The following TIAM1 variants were observed in gnomAD, a reference collection of about 807,000 sequenced individuals.
TIAM1 encodes rho guanine nucleotide exchange factor TIAM1.
TIAM1 carries 65 observed loss-of-function variants against 163.5 expected under a neutral mutation model. That is an observed-to-expected ratio of 0.40 (90% CI 0.33 to 0.49). The LOEUF (loss-of-function observed/expected upper bound fraction) is 0.49. Among genes scored for constraint, TIAM1 ranks in the 20% least tolerant of loss-of-function variants. The probability of loss-of-function intolerance (pLI) is 0.77; values close to 1 mark genes in which losing one functional copy is unlikely to be tolerated. For synonymous variants in TIAM1, 833 were observed against 810.1 expected, an observed-to-expected ratio of 1.03 and a Z score of -0.48; for missense variants, 1,789 against 2,044.7, an observed-to-expected ratio of 0.87 and a Z score of 2.41.
intron 2 of TIAM1, among the ~76,000 whole-genome samples, chr21:31,384,421 A>AAT (rs3055330): frequency 6.6e-6 from 1 of 150,836 alleles, no homozygotes; most frequent in African/African-American, 2.4e-5. Context: ...AAAAAAAAAA[A>AAT]TTTAATTAGC....
intron 1 of TIAM1, among the ~76,000 whole-genome samples, chr21:31,528,620 T>C (rs567054529): frequency 6.6e-6 from 1 of 151,296 alleles, no homozygotes; most frequent in Non-Finnish European, 1.5e-5. Flanking sequence ...CTGGGCAACA[T>C]GGTGAAACCC....
At chr21:31,352,306 C>T (rs1304979517) in intron 2 of TIAM1, among the ~76,000 whole-genome samples, 1 of 152,046 alleles carries the variant, frequency 6.6e-6, no homozygotes, top group African/African-American at 2.4e-5. Context: ...AAATATTATG[C>T]TAAGTGAAAG....
At chr21:31,243,222 A>G (rs1196963617) in intron 6 of TIAM1, among the ~76,000 whole-genome samples, 1 of 145,838 alleles carries the variant, frequency 6.9e-6, no homozygotes, top group Non-Finnish European at 1.5e-5. Context: ...ATATATATAT[A>G]TATGTATATT....
At chr21:31,323,300 A>G (rs2075377892) in intron 2 of TIAM1, among the ~76,000 whole-genome samples, 1 of 151,506 alleles carries the variant, frequency 6.6e-6, no homozygotes, top group South Asian at 2.1e-4. Flanking sequence ...AAAAAAAAAA[A>G]AGAAAGAAAG....
intron 13 of TIAM1, among the ~76,000 whole-genome samples, chr21:31,194,178 T>C (rs543641676): frequency 1.3e-5 from 2 of 152,208 alleles, no homozygotes; most frequent in South Asian, 4.2e-4. Context: ...CCACTTCTTG[T>C]GTGTCCGCAT....
chr21:31,265,461 C>T (rs906793779), intron 4 of TIAM1, among the ~76,000 whole-genome samples: 1 of 151,946 alleles, frequency 6.6e-6, no homozygotes, highest in African/African-American at 2.4e-5. Context: ...ACAGGGCTGG[C>T]CAGCATCGCA....
chr21:31,419,371 T>C (rs924187724), intron 2 of TIAM1, among the ~76,000 whole-genome samples: 2 of 152,194 alleles, frequency 1.3e-5, no homozygotes, highest in Non-Finnish European at 2.9e-5. Flanking sequence ...GTGACGCACC[T>C]TGTAGAGCGA....
At chr21:31,206,936 T>TACACACACACACACACAC (rs142792769) in intron 11 of TIAM1, among the ~76,000 whole-genome samples, 143 of 151,362 alleles carry the variant, frequency 9.4e-4, no homozygotes, top group African/African-American at 3.3e-3. Flanking sequence ...GAAATATGTA[T>TACACACACACACACACAC]ACACACACAC....
intron 2 of TIAM1, among the ~76,000 whole-genome samples, chr21:31,369,467 T>C (rs2076558508): frequency 6.6e-6 from 1 of 152,026 alleles, no homozygotes; most frequent in African/African-American, 2.4e-5. Flanking sequence ...TACAGCTAAA[T>C]GGCAGGAATA....
intron 8 of TIAM1, among the ~76,000 whole-genome samples, chr21:31,222,670 C>T (rs557944589): frequency 0.025 from 2,453 of 96,840 alleles, 100 homozygotes; most frequent in African/African-American, 0.094. Context: ...CATACATGTA[C>T]ACATACATAT....
intron 12 of TIAM1, among the ~76,000 whole-genome samples, chr21:31,202,690 C>T (rs982536498): frequency 4.6e-5 from 7 of 152,206 alleles, no homozygotes; most frequent in African/African-American, 1.7e-4. Context: ...TTTGATTTGT[C>T]ATGATAGCAC....
chr21:31,259,038 T>TA (rs1443976826), intron 4 of TIAM1, among the ~76,000 whole-genome samples: 4 of 151,764 alleles, frequency 2.6e-5, no homozygotes, highest in Non-Finnish European at 4.4e-5. Context: ...AGTTATGCTG[T>TA]AAAAAAACAA....
Position 31,552,421 on chromosome 21 carries a change from A to C in TIAM1, c.-422+6506T>G, listed in dbSNP as rs528757172. 8.5e-5 allele frequency among the ~76,000 whole-genome samples: 13 copies of C among 152,310 alleles called. No homozygotes were observed. In the East Asian group the frequency reaches 2.3e-3, roughly 27 times the overall value. On this transcript the variant is annotated intron_variant, in intron 1 of 28. Coordinates refer to the TIAM1 transcript ENST00000286827. ...TTTAAGCAAAACCAACTCAAGTTTGATAGACAAAAACTGCGTCCCTACTAC... is the reference window on the plus strand; with the variant it reads ...TTTAAGCAAAACCAACTCAAGTTTGCTAGACAAAAACTGCGTCCCTACTAC...
intron 1 of TIAM1, among the ~76,000 whole-genome samples, chr21:31,519,023 C>T (rs1359021129): frequency 3.3e-5 from 5 of 152,026 alleles, no homozygotes; most frequent in Admixed American, 3.3e-4. Flanking sequence ...GGTGAAACCC[C>T]GCCTTGGCCG....
intron 1 of TIAM1, among the ~76,000 whole-genome samples, chr21:31,507,926 GA>G (rs558187895): frequency 5.6e-4 from 86 of 152,332 alleles, no homozygotes; most frequent in African/African-American, 2.0e-3. Flanking sequence ...GACCCAACTG[GA>G]AATAGGGTCT....
At chr21:31,142,116 C>A (rs1223354506) in intron 20 of TIAM1, among the ~76,000 whole-genome samples, 1 of 152,104 alleles carries the variant, frequency 6.6e-6, no homozygotes, top group Non-Finnish European at 1.5e-5. Context: ...GCTCCCTCTG[C>A]CTCCTGACAC....
In TIAM1 at chr21:31,120,569, C is replaced by T; in HGVS notation, c.4575G>A (p.Gln1525=). ...TGATGGAGGTGGCCTGAAGCCGCTC[C>T]TGCAGGTCTCTGTCCACTGAGGCAC... ...VKGASVDRDL[Q]ERLQATSISQ... is the part of the protein sequence containing the mutation. The change falls in exon 28 of 28, where the codon CAG becomes CAA. Residue 1525 remains glutamine, a synonymous_variant. Coordinates refer to ENST00000541036, the MANE Select transcript of TIAM1 (RefSeq NM_001353694.2). The surrounding 1 kb of genome is among the most constrained non-coding windows in gnomAD (Gnocchi z 4.2). 6.2e-7 allele frequency: 1 copy of T among 1,614,224 alleles called. No homozygotes were observed. The highest frequency in any genetic ancestry group is 8.5e-7 in the Non-Finnish European group (1 of 1,180,050).
At chr21:31,145,441 T>C (rs2083065569) in intron 20 of TIAM1, among the ~76,000 whole-genome samples, 1 of 152,240 alleles carries the variant, frequency 6.6e-6, no homozygotes, top group African/African-American at 2.4e-5. Context: ...AACAGCAAGC[T>C]GATTTCCAGA....
intron 1 of TIAM1, among the ~76,000 whole-genome samples, chr21:31,515,611 G>A (rs185721922): frequency 1.3e-5 from 2 of 152,206 alleles, no homozygotes; most frequent in Admixed American, 1.3e-4. Context: ...AACTTGAAAG[G>A]GCAGTGTGAA....
Sources: allele counts gnomAD v4.1 joint callset (sites outside exome capture counted in the v4.1 genomes callset), GRCh38; gene constraint gnomAD v4.1.1; non-coding constraint Gnocchi (gnomAD v3.1); transcripts MANE v1.5; gene names NCBI Gene and HGNC (gene_info 2026-07-23, HGNC 2026-07-21).